COL19A1: variants seen among roughly 807,000 people sequenced by gnomAD.
The protein encoded by COL19A1 is collagen type XIX alpha 1 chain.
A neutral mutation model predicts 190.2 loss-of-function variants in COL19A1; 159 were observed. The ratio of observed to expected loss-of-function variants is 0.84; its 90% confidence interval spans 0.73 to 0.95. The LOEUF is 0.95. Among genes scored for constraint, COL19A1 ranks in the 40% least tolerant of loss-of-function variants. The pLI is 0.00. For missense variants in COL19A1, 1,418 were observed against 1,431.9 expected, an observed-to-expected ratio of 0.99 and a Z score of 0.16; for synonymous variants, 509 against 458.9, an observed-to-expected ratio of 1.11 and a Z score of -1.39.
chr6:70,030,528 A>G (rs1263831838), intron 12 of COL19A1, among the ~76,000 whole-genome samples: 1 of 152,118 alleles, frequency 6.6e-6, no homozygotes, highest in East Asian at 1.9e-4. Flanking sequence ...CTTAAAAATT[A>G]TGTTTCACAC....
At chr6:70,056,215 C>T (rs1780496981) in intron 14 of COL19A1, among the ~76,000 whole-genome samples, 1 of 152,122 alleles carries the variant, frequency 6.6e-6, no homozygotes, top group African/African-American at 2.4e-5. Flanking sequence ...GGATTTTACA[C>T]ATCTAAAAAT....
intron 20 of COL19A1, 32 bp from the exon 21 acceptor site, chr6:70,141,861 C>G (rs1786272288): frequency 7.1e-7 from 1 of 1,402,230 alleles, no homozygotes. Flanking sequence ...TGAATTTAAG[C>G]ATTACCCTTA....
chr6:69,921,500 ATATATATTCATATG>A (rs1390998958), intron 4 of COL19A1, among the ~76,000 whole-genome samples: 113 of 10,884 alleles, frequency 0.01, no homozygotes, highest in African/African-American at 0.017. Context: ...ATATATATTC[ATATATATTCATATG>A]TATATTCATA....
At chr6:69,960,618 C>T in intron 10 of COL19A1, among the ~76,000 whole-genome samples, 1 of 150,128 alleles carries the variant, frequency 6.7e-6, no homozygotes, top group East Asian at 2.0e-4. Context: ...TCCTTTGTGC[C>T]CCCACTTTTT....
chr6:70,029,244 A>G (rs1461089240), intron 12 of COL19A1, among the ~76,000 whole-genome samples: 1 of 152,180 alleles, frequency 6.6e-6, no homozygotes, highest in Non-Finnish European at 1.5e-5. Flanking sequence ...TAATATTTTT[A>G]TATTATCTTC....
chr6:70,098,496 G>C (rs979972813), intron 15 of COL19A1: 1 of 496,592 alleles, frequency 2.0e-6, no homozygotes, highest in African/African-American at 2.0e-5. Flanking sequence ...TGCCTCATTC[G>C]ACCAGTCCTG....
chr6:70,174,963 G>T (rs914316605), intron 41 of COL19A1, among the ~76,000 whole-genome samples: 10 of 152,200 alleles, frequency 6.6e-5, no homozygotes, highest in Non-Finnish European at 1.5e-4. Flanking sequence ...AGTGTCAGGT[G>T]TAACTATGAA....
intron 35 of COL19A1, among the ~76,000 whole-genome samples, chr6:70,162,977 C>T (rs184732366): frequency 2.0e-5 from 3 of 152,170 alleles, no homozygotes; most frequent in East Asian, 3.9e-4. Context: ...TTAATTCTGC[C>T]GCCTTGAAGT....
At chr6:69,961,169 G>C (rs574212231) in intron 10 of COL19A1, among the ~76,000 whole-genome samples, 56 of 152,180 alleles carry the variant, frequency 3.7e-4, no homozygotes, top group African/African-American at 1.3e-3. Context: ...TACTGGTTTT[G>C]GCAACAACAT....
chr6:69,954,408 C>T (rs1215018149), intron 9 of COL19A1, among the ~76,000 whole-genome samples: 3 of 151,930 alleles, frequency 2.0e-5, no homozygotes, highest in African/African-American at 7.3e-5. Flanking sequence ...GAGGACTTAG[C>T]CCCAAGCCAG....
intron 16 of COL19A1, among the ~76,000 whole-genome samples, chr6:70,114,511 C>T (rs7751501): frequency 0.26 from 38,800 of 152,112 alleles, 5,405 homozygotes; most frequent in South Asian, 0.41. Context: ...ATGTACCTCA[C>T]ACAGTTGTCA....
At position 70,198,479 on chromosome 6, in the gene COL19A1, A is replaced by G. The variant is rs1011494820; in HGVS notation, c.3095-1129A>G. On this transcript the variant is annotated intron_variant, in intron 48 of 50. Coordinates refer to ENST00000620364, the MANE Select transcript of COL19A1 (RefSeq NM_001858.6). Reference sequence around the variant, plus strand: ...AATGCGATTAACTTCTTGTCATGGCAAGGATAGAGCCTCCTCAGGTTTTCT... The same window carrying G: ...AATGCGATTAACTTCTTGTCATGGCGAGGATAGAGCCTCCTCAGGTTTTCT... Among the ~76,000 whole-genome samples, 5 of 152,348 alleles carry G rather than the reference A, an allele frequency of 3.3e-5. No individual in the cohort carries two copies. The East Asian group carries it at 9.6e-4, about 29-fold the overall frequency.
chr6:70,028,409 T>G (rs1158424432), intron 12 of COL19A1, among the ~76,000 whole-genome samples: 5 of 152,186 alleles, frequency 3.3e-5, no homozygotes, highest in African/African-American at 1.2e-4. Context: ...AGATAAAGAC[T>G]CCCAGATAAT....
At chr6:69,921,632 GTATATATTCGTA>G (rs1300162892) in intron 4 of COL19A1, among the ~76,000 whole-genome samples, 1 of 140,786 alleles carries the variant, frequency 7.1e-6, no homozygotes, top group African/African-American at 2.7e-5. Flanking sequence ...ATATAGATTC[GTATATATTCGTA>G]TATAGATTCG....
intron 20 of COL19A1, among the ~76,000 whole-genome samples, chr6:70,141,680 AATT>A (rs1006900933): frequency 6.6e-6 from 1 of 152,070 alleles, no homozygotes; most frequent in African/African-American, 2.4e-5. Flanking sequence ...TTGGGGGAAA[AATT>A]ATTATAATGA....
intron 31 of COL19A1, 57 bp from the exon 32 acceptor site, chr6:70,156,070 C>A (rs1583044672): frequency 6.7e-7 from 1 of 1,501,828 alleles, no homozygotes; most frequent in South Asian, 1.2e-5. Context: ...CATGAAACCT[C>A]ACCTTTATAG....
intron 14 of COL19A1, among the ~76,000 whole-genome samples, chr6:70,049,883 A>G (rs1780108674): frequency 1.3e-5 from 2 of 152,142 alleles, no homozygotes; most frequent in African/African-American, 2.4e-5. Context: ...ATTCAATTCT[A>G]TTCTAAGCAT....
chr6:69,900,728 A>T (rs142508834), intron 4 of COL19A1, among the ~76,000 whole-genome samples: 29 of 152,272 alleles, frequency 1.9e-4, no homozygotes, highest in African/African-American at 6.3e-4. Flanking sequence ...TAGATTTTCT[A>T]TGCTTCTTAA....
At chr6:70,111,222 AG>A (rs1784266922) in intron 16 of COL19A1, among the ~76,000 whole-genome samples, 1 of 152,214 alleles carries the variant, frequency 6.6e-6, no homozygotes, top group Non-Finnish European at 1.5e-5. Context: ...CTGATGAATA[AG>A]GAGCTCAGCT....
Sources: allele counts gnomAD v4.1 joint callset (sites outside exome capture counted in the v4.1 genomes callset), GRCh38; gene constraint gnomAD v4.1.1; transcripts MANE v1.5; gene names NCBI Gene and HGNC (gene_info 2026-07-23, HGNC 2026-07-21).